The following CCSER1 variants were observed in gnomAD, a reference collection of about 807,000 sequenced individuals.
The protein encoded by CCSER1 is coiled-coil serine rich protein 1.
Under a neutral mutation model 82.0 loss-of-function variants are expected in CCSER1, and 41 were observed. That is an observed-to-expected ratio of 0.50 (90% CI 0.39 to 0.65). The LOEUF is 0.65. Among genes scored for constraint, CCSER1 ranks in the 30% least tolerant of loss-of-function variants. The pLI is 0.00. For synonymous variants in CCSER1, 414 were observed against 383.9 expected (o/e 1.08, Z -0.92); for missense variants, 1,119 against 1,064.2 (o/e 1.05, Z -0.72).
rs373492461 is a variant in CCSER1, at chr4:91,226,427, CAG to C, written c.2217+140437_2217+140438del. ...AGTTTGAAAATCTGAAAATGAGTAA[CAG>C]AGAAAGTTTTATGCTAATGATTTAA... is the stretch of plus-strand genomic sequence containing the variant. On this transcript the variant is annotated intron_variant, in intron 10 of 10. Transcript: ENST00000509176. Among the ~76,000 whole-genome samples the C allele has an allele frequency of 5.5e-3, 832 of 151,900 alleles. 5 individuals are homozygous for C. Among genetic ancestry groups the C allele is most frequent in the African/African-American group, 0.017 (686 of 41,480 alleles).
chr4:90,308,171 A>G (rs747777523), intron 1 of CCSER1, 73 bp from the exon 2 acceptor site: 3 of 1,135,786 alleles, frequency 2.6e-6, no homozygotes, highest in Non-Finnish European at 3.6e-6. Flanking sequence ...TCGAAAAGCA[A>G]TATTTTGTTT....
intron 5 of CCSER1, among the ~76,000 whole-genome samples, chr4:90,593,932 A>G (rs1783003885): frequency 6.6e-6 from 1 of 152,092 alleles, no homozygotes; most frequent in Admixed American, 6.6e-5. Context: ...AGCTCATAGT[A>G]GGATCTCAGT....
chr4:91,000,258 TAGTATAGTATAGTATA>T (rs1737912287), intron 9 of CCSER1, among the ~76,000 whole-genome samples: 1 of 148,506 alleles, frequency 6.7e-6, no homozygotes. Flanking sequence ...TAGTATAGTA[TAGTATAGTATAGTATA>T]GTATGTATAG....
At chr4:90,860,078 A>G (rs1054061087) in intron 8 of CCSER1, among the ~76,000 whole-genome samples, 1 of 151,734 alleles carries the variant, frequency 6.6e-6, no homozygotes, top group Non-Finnish European at 1.5e-5. Context: ...AACCAATACA[A>G]TGAAACTGTT....
chr4:90,396,481 A>G (rs1325552773), intron 3 of CCSER1, among the ~76,000 whole-genome samples: 3 of 152,184 alleles, frequency 2.0e-5, no homozygotes, highest in Admixed American at 6.5e-5. Context: ...CAAAATACCC[A>G]TATATAAACT....
chr4:90,511,822 T>A (rs1376147152), intron 5 of CCSER1, among the ~76,000 whole-genome samples: 1 of 152,072 alleles, frequency 6.6e-6, no homozygotes, highest in Non-Finnish European at 1.5e-5. Flanking sequence ...GGGGAGGTAA[T>A]CTAGTTAACC....
chr4:90,670,383 A>G (rs1732569877), intron 6 of CCSER1, among the ~76,000 whole-genome samples: 1 of 152,118 alleles, frequency 6.6e-6, no homozygotes, highest in African/African-American at 2.4e-5. Flanking sequence ...TAAAGCAAGA[A>G]GGTGGTTTTC....
intron 6 of CCSER1, among the ~76,000 whole-genome samples, chr4:90,669,208 CCTT>C (rs1308268599): frequency 1.3e-5 from 2 of 152,014 alleles, no homozygotes; most frequent in Admixed American, 1.3e-4. Context: ...GTGGTCATCT[CCTT>C]CTTTCTCTTC....
chr4:90,604,637 C>T (rs1373531476), intron 5 of CCSER1, among the ~76,000 whole-genome samples: 2 of 152,210 alleles, frequency 1.3e-5, no homozygotes, highest in Non-Finnish European at 2.9e-5. Context: ...GCTCCTGAGT[C>T]AGGTGGGGTC....
At chr4:90,328,625 GCA>G (rs1738653550) in intron 3 of CCSER1, among the ~76,000 whole-genome samples, 1 of 152,162 alleles carries the variant, frequency 6.6e-6, no homozygotes, top group African/African-American at 2.4e-5. Context: ...AAAGTTGCGG[GCA>G]TTGTGCAAGC....
At chr4:91,582,811 G>A (rs1763797077) in intron 10 of CCSER1, among the ~76,000 whole-genome samples, 1 of 151,370 alleles carries the variant, frequency 6.6e-6, no homozygotes, top group Non-Finnish European at 1.5e-5. Flanking sequence ...GCTTGTCTTA[G>A]GAACATATGA....
intron 7 of CCSER1, among the ~76,000 whole-genome samples, chr4:90,814,255 C>T (rs1758722740): frequency 6.6e-6 from 1 of 152,192 alleles, no homozygotes; most frequent in Non-Finnish European, 1.5e-5. Flanking sequence ...GGACACAGCC[C>T]ACAAAACCAT....
rs575378506 is a variant in CCSER1, at chr4:90,603,309, G to A, written c.1725-24716G>A. 2.8e-3 allele frequency among the ~76,000 whole-genome samples: 419 copies of A among 152,318 alleles called. 3 individuals carry two copies. Among genetic ancestry groups the A allele is most frequent in the Non-Finnish European group, 4.1e-3 (280 of 68,020 alleles). ...GATCTGTACTGCTGGTGGCATAAAAGTGTTTAATTATCAGGAGGATGCCTG... is the reference window on the plus strand; with the variant it reads ...GATCTGTACTGCTGGTGGCATAAAAATGTTTAATTATCAGGAGGATGCCTG... On this transcript the variant is annotated intron_variant, in intron 5 of 10. Transcript: ENST00000509176.
At chr4:90,734,052 T>TG (rs1427185736) in intron 7 of CCSER1, among the ~76,000 whole-genome samples, 9 of 151,974 alleles carry the variant, frequency 5.9e-5, no homozygotes, top group Non-Finnish European at 1.0e-4. Flanking sequence ...TTGTTTTTAA[T>TG]ATTTTTGTGA....
chr4:91,094,735 G>A (rs2148834728), intron 10 of CCSER1, among the ~76,000 whole-genome samples: 1 of 152,214 alleles, frequency 6.6e-6, no homozygotes, highest in Non-Finnish European at 1.5e-5. Context: ...CCCATACTCA[G>A]GGCCATCGCT....
chr4:91,443,738 T>C (rs994981111), intron 10 of CCSER1, among the ~76,000 whole-genome samples: 1 of 148,282 alleles, frequency 6.7e-6, no homozygotes, highest in Non-Finnish European at 1.5e-5. Context: ...TATGTATATA[T>C]ATATAAATAT....
intron 5 of CCSER1, among the ~76,000 whole-genome samples, chr4:90,549,330 T>C (rs1314142700): frequency 6.6e-6 from 1 of 152,112 alleles, no homozygotes; most frequent in Non-Finnish European, 1.5e-5. Flanking sequence ...ACAAACTTTA[T>C]CAGGAAAATT....
At chr4:91,527,657 G>T (rs1400353) in intron 10 of CCSER1, among the ~76,000 whole-genome samples, 103,214 of 152,004 alleles carry the variant, frequency 0.68, 35,680 homozygotes, top group African/African-American at 0.81. Context: ...GGTTCATACC[G>T]TCTACTGTGA....
chr4:90,579,765 A>G (rs148016332), intron 5 of CCSER1, among the ~76,000 whole-genome samples: 2 of 152,078 alleles, frequency 1.3e-5, no homozygotes, highest in African/African-American at 4.8e-5. Context: ...GGGGTAATTC[A>G]TTTTCCCACT....
Sources: allele counts gnomAD v4.1 joint callset (sites outside exome capture counted in the v4.1 genomes callset), GRCh38; gene constraint gnomAD v4.1.1; transcripts MANE v1.5; gene names NCBI Gene and HGNC (gene_info 2026-07-23, HGNC 2026-07-21).